The following ANKRD17 variants were observed in gnomAD, a reference collection of about 807,000 sequenced individuals.
The protein encoded by ANKRD17 is ankyrin repeat domain-containing protein 17.
ANKRD17 carries 19 observed loss-of-function variants against 229.7 expected under a neutral mutation model. The ratio of observed to expected loss-of-function variants is 0.08; its 90% confidence interval spans 0.06 to 0.12. The LOEUF (loss-of-function observed/expected upper bound fraction) is 0.12. ANKRD17 is among the 10% of genes least tolerant of loss of function. ANKRD17 has a pLI of 1.00. For missense variants in ANKRD17, 2,176 were observed against 3,176.8 expected (o/e 0.68, Z 7.57); for synonymous variants, 1,112 against 1,146.1 (o/e 0.97, Z 0.60).
At chr4:73,118,288 GC>G (rs1173752705) in intron 22 of ANKRD17, among the ~76,000 whole-genome samples, 1 of 151,764 alleles carries the variant, frequency 6.6e-6, no homozygotes, top group South Asian at 2.1e-4. Context: ...CACAACCCCC[GC>G]CCCCAGCAAA....
chr4:73,142,141 T>C, intron 13 of ANKRD17, 101 bp downstream of exon 13: 1 of 1,220,124 alleles, frequency 8.2e-7, no homozygotes, highest in East Asian at 2.7e-5. Context: ...CAGAACTACA[T>C]ATTAGAACAA....
intron 25 of ANKRD17, 84 bp downstream of exon 25, chr4:73,102,292 T>C: frequency 7.1e-7 from 1 of 1,399,982 alleles, no homozygotes; most frequent in Non-Finnish European, 9.6e-7. Flanking sequence ...CTTGAAAGCA[T>C]ATTTTCAAGA....
intron 3 of ANKRD17, among the ~76,000 whole-genome samples, chr4:73,157,232 G>A (rs1390702363): frequency 6.6e-6 from 1 of 152,142 alleles, no homozygotes; most frequent in Non-Finnish European, 1.5e-5. Context: ...CTTCCATCAA[G>A]TAAAGGGAAA....
chr4:73,086,919 A>AAAAAAAAATATATATAT (rs1553911000), intron 29 of ANKRD17, among the ~76,000 whole-genome samples: 1 of 12,464 alleles, frequency 8.0e-5, no homozygotes, highest in Non-Finnish European at 1.8e-4. Context: ...AAAAAAAAAA[A>AAAAAAAAATATATATAT]ATATATATAT....
At chr4:73,163,837 GAT>G (rs1732860824) in intron 2 of ANKRD17, among the ~76,000 whole-genome samples, 2 of 151,978 alleles carry the variant, frequency 1.3e-5, no homozygotes, top group South Asian at 4.1e-4. Flanking sequence ...AGTACTTTTA[GAT>G]ATATTTTTAT....
rs1300366026 is a variant in ANKRD17 at position 73,139,984 on chromosome 4, G to C, written c.2632C>G (p.Leu878Val). The C allele has an allele frequency of 6.2e-7, 1 of 1,614,058 alleles. No individual in the cohort carries two copies. Reference protein sequence around the residue: ...ELQKVERELQLKTQQQLKKQY... With the variant: ...ELQKVERELQVKTQQQLKKQY... ...TTTTTTAGCTGCTGCTGAGTTTTCA[G>C]TTGTAACTCTCGTTCTACTTTCTGT... The change falls in exon 15 of 34, where the codon CTG (leucine) becomes GTG (valine). Residue 878 changes from leucine to valine, a missense_variant. Physicochemically the swap from Leu to Val is conservative, Grantham distance 32 (BLOSUM62 1). Coordinates refer to ENST00000358602, the MANE Select transcript of ANKRD17 (RefSeq NM_032217.5).
chr4:73,222,917 G>A, intron 1 of ANKRD17: 1 of 1,336,874 alleles, frequency 7.5e-7, no homozygotes, highest in South Asian at 1.2e-5. Flanking sequence ...AATTCCGGCA[G>A]ATAAGATTTC....
chr4:73,203,846 C>T (rs965263061), intron 1 of ANKRD17, among the ~76,000 whole-genome samples: 9 of 149,980 alleles, frequency 6.0e-5, no homozygotes, highest in African/African-American at 2.2e-4. Context: ...AAATCCAATA[C>T]GTTCCACAGT....
chr4:73,151,557 T>G, intron 6 of ANKRD17, 33 bp from the exon 7 acceptor site: 1 of 1,364,330 alleles, frequency 7.3e-7, no homozygotes, highest in Non-Finnish European at 9.8e-7. Flanking sequence ...TACTTGAAAA[T>G]ATTTTATTAT....
chr4:73,137,972 T>C (rs1423832687), intron 15 of ANKRD17, among the ~76,000 whole-genome samples: 2 of 152,164 alleles, frequency 1.3e-5, no homozygotes, highest in Non-Finnish European at 2.9e-5. Flanking sequence ...TCTGATATTA[T>C]ATAAAAAAAA....
chr4:73,243,595 C>G (rs1744232477), intron 1 of ANKRD17, among the ~76,000 whole-genome samples: 1 of 152,252 alleles, frequency 6.6e-6, no homozygotes, highest in Middle Eastern at 3.4e-3. Flanking sequence ...TTTCAGGAAC[C>G]AGGAATGACT....
chr4:73,145,157 C>T (rs956820327), intron 10 of ANKRD17, among the ~76,000 whole-genome samples: 1 of 152,082 alleles, frequency 6.6e-6, no homozygotes. Context: ...CAATGAATTG[C>T]GGTACTTGAA....
intron 10 of ANKRD17, 136 bp downstream of exon 10, chr4:73,146,628 A>T (rs1730313598): frequency 1.5e-6 from 1 of 674,174 alleles, no homozygotes; most frequent in South Asian, 3.0e-5. Context: ...TAAGTGAGAG[A>T]AAGAATGGCA....
At position 73,254,051 on chromosome 4, in the gene ANKRD17, C is replaced by T. The variant is rs930094262; in HGVS notation, c.393+4225G>A. ...TTCAAAGATCTTAAAATCTAGTTTA[C>T]AAATACTGCTACATCAATTAAGAGA... On this transcript the variant is annotated intron_variant, in intron 1 of 33. Coordinates refer to ENST00000358602, the MANE Select transcript of ANKRD17 (RefSeq NM_032217.5). Among the ~76,000 whole-genome samples, 2 of 152,176 alleles carry T rather than the reference C, an allele frequency of 1.3e-5. 1 individual carries two copies. The highest frequency in any genetic ancestry group is 1.3e-4 in the Admixed American group (2 of 15,282).
Position 73,115,931 on chromosome 4 carries a change from T to A in ANKRD17, c.4189-15A>T. ...TTCACATGACCCTAAAAAATAGATA[T>A]CAATGTCAGATTGAAAACAGACTCT... On this transcript the variant is annotated splice_polypyrimidine_tract_variant and intron_variant, in intron 22 of 33. Coordinates refer to ENST00000358602, the MANE Select transcript of ANKRD17 (RefSeq NM_032217.5). 1.2e-6 allele frequency: 2 copies of A among 1,607,336 alleles called. No individual in the cohort carries two copies. Among genetic ancestry groups the A allele is most frequent in the Non-Finnish European group, 1.7e-6 (2 of 1,174,692 alleles).
chr4:73,158,151 A>AC (rs1491521519), intron 3 of ANKRD17, among the ~76,000 whole-genome samples: 1 of 31,146 alleles, frequency 3.2e-5, no homozygotes, highest in Non-Finnish European at 6.6e-5. Context: ...AGAAAGGAAG[A>AC]AAAAGAAAGA....
intron 1 of ANKRD17, among the ~76,000 whole-genome samples, chr4:73,191,199 C>T (rs1010584672): frequency 2.0e-5 from 3 of 151,748 alleles, no homozygotes; most frequent in African/African-American, 7.3e-5. Flanking sequence ...AGTATTGAAT[C>T]CAGAACATAT....
At chr4:73,188,844 G>A (rs1013771545) in intron 1 of ANKRD17, among the ~76,000 whole-genome samples, 5 of 152,054 alleles carry the variant, frequency 3.3e-5, no homozygotes, top group African/African-American at 1.2e-4. Context: ...AAAAATGAGA[G>A]ACAGAGAAAA....
intron 29 of ANKRD17, among the ~76,000 whole-genome samples, chr4:73,089,045 A>T (rs946334979): frequency 2.8e-5 from 4 of 143,666 alleles, no homozygotes; most frequent in East Asian, 2.0e-4. Context: ...TTCTTTTTAA[A>T]TTTTTTTTTT....
Sources: gnomAD v4.1 joint callset for allele counts (sites outside exome capture counted in the v4.1 genomes callset) on GRCh38, gnomAD v4.1.1 for gene constraint, MANE v1.5 for transcripts, NCBI Gene and HGNC (gene_info 2026-07-23, HGNC 2026-07-21) for gene names.